The following KIAA1217 variants were observed in gnomAD, a reference collection of about 807,000 sequenced individuals.
KIAA1217 encodes the protein sickle tail protein homolog.
A neutral mutation model predicts 163.9 loss-of-function variants in KIAA1217; 88 were observed. The ratio of observed to expected loss-of-function variants is 0.54; its 90% CI spans 0.45 to 0.64. The LOEUF is 0.64. Among genes scored for constraint, KIAA1217 ranks in the 30% least tolerant of loss-of-function variants. The pLI is 0.00. For synonymous variants in KIAA1217, 903 were observed against 923.1 expected (o/e 0.98, Z 0.39); for missense variants, 2,372 against 2,475.0 (o/e 0.96, Z 0.88).
At chr10:24,365,798 G>A (rs374429348) in intron 2 of KIAA1217, among the ~76,000 whole-genome samples, 4 of 152,000 alleles carry the variant, frequency 2.6e-5, no homozygotes, top group African/African-American at 4.8e-5. Context: ...TTTGGCTTTC[G>A]AGTGTAGCCA....
At chr10:24,177,323 A>T (rs2065956192) in intron 2 of KIAA1217, among the ~76,000 whole-genome samples, 2 of 120,340 alleles carry the variant, frequency 1.7e-5, no homozygotes, top group Admixed American at 1.7e-4. Flanking sequence ...CATATATATC[A>T]CATATATCTT....
At chr10:24,455,715 G>A (rs901607212) in intron 5 of KIAA1217, among the ~76,000 whole-genome samples, 3 of 152,210 alleles carry the variant, frequency 2.0e-5, no homozygotes, top group African/African-American at 7.2e-5. Flanking sequence ...AAGGAAAAGA[G>A]AATGATCCAA....
intron 1 of KIAA1217, among the ~76,000 whole-genome samples, chr10:23,948,689 T>C (rs1319678895): frequency 6.6e-6 from 1 of 152,206 alleles, no homozygotes; most frequent in Non-Finnish European, 1.5e-5. Flanking sequence ...GTTTTTGCTT[T>C]GTTTCTGTTG....
At chr10:24,223,834 A>G (rs1245894501) in intron 2 of KIAA1217, among the ~76,000 whole-genome samples, 3 of 132,442 alleles carry the variant, frequency 2.3e-5, no homozygotes, top group African/African-American at 8.6e-5. Flanking sequence ...CCACCCCAGC[A>G]CCCACCACCC....
intron 2 of KIAA1217, among the ~76,000 whole-genome samples, chr10:24,179,990 A>T (rs187400627): frequency 2.1e-3 from 322 of 152,302 alleles, no homozygotes; most frequent in African/African-American, 7.3e-3. Context: ...GAAGATGTGG[A>T]TTATTTAATC....
intron 5 of KIAA1217, among the ~76,000 whole-genome samples, chr10:24,459,584 G>C (rs945334556): frequency 6.6e-6 from 1 of 152,046 alleles, no homozygotes; most frequent in African/African-American, 2.4e-5. Flanking sequence ...TCATTGGAAT[G>C]GGCCTTAGAG....
intron 10 of KIAA1217, among the ~76,000 whole-genome samples, chr10:24,519,599 G>C (rs1423947724): frequency 6.6e-6 from 1 of 152,116 alleles, no homozygotes; most frequent in Non-Finnish European, 1.5e-5. Flanking sequence ...GTAGATGAAG[G>C]CCAGGGGCGC....
intron 1 of KIAA1217, among the ~76,000 whole-genome samples, chr10:24,212,487 A>G (rs549644743): frequency 6.6e-6 from 1 of 152,334 alleles, no homozygotes; most frequent in East Asian, 1.9e-4. Context: ...AGTCCAAAGG[A>G]TGCCCCCCGA....
intron 2 of KIAA1217, among the ~76,000 whole-genome samples, chr10:24,320,318 C>T (rs1302461101): frequency 1.3e-5 from 2 of 152,200 alleles, no homozygotes; most frequent in Non-Finnish European, 2.9e-5. Flanking sequence ...CATAGAATGG[C>T]TAATCACAAA....
chr10:24,328,338 T>A (rs2045217788), intron 2 of KIAA1217, among the ~76,000 whole-genome samples: 1 of 152,078 alleles, frequency 6.6e-6, no homozygotes, highest in Admixed American at 6.6e-5. Context: ...TGAGGCATCA[T>A]CATGGGTGAG....
intron 10 of KIAA1217, among the ~76,000 whole-genome samples, chr10:24,516,406 G>C (rs2070169526): frequency 6.6e-6 from 1 of 152,224 alleles, no homozygotes; most frequent in African/African-American, 2.4e-5. Context: ...ACAGAGATTG[G>C]AAGATTCTGT....
chr10:24,110,340 A>G (rs1030164696), intron 2 of KIAA1217, among the ~76,000 whole-genome samples: 1 of 152,132 alleles, frequency 6.6e-6, no homozygotes, highest in Non-Finnish European at 1.5e-5. Context: ...GCTCGTGGGG[A>G]GCCAAAAATA....
At position 24,027,050 on chromosome 10, in the gene KIAA1217, T is replaced by G. The variant is rs192219286; in HGVS notation, c.-171+19676T>G. On this transcript the variant is annotated intron_variant, in intron 2 of 18. Coordinates refer to the KIAA1217 transcript ENST00000376462. Reference sequence around the variant, plus strand: ...ATGTTTGTTGTTTAACTTCCAAATATTTGGGGCTTTAAAAAATATCTTTCT... The same window carrying G: ...ATGTTTGTTGTTTAACTTCCAAATAGTTGGGGCTTTAAAAAATATCTTTCT... 9.9e-5 allele frequency among the ~76,000 whole-genome samples: 15 copies of G among 152,218 alleles called. No individual in the cohort carries two copies. In the East Asian group the frequency reaches 2.9e-3, roughly 29 times the overall value.
intron 1 of KIAA1217, among the ~76,000 whole-genome samples, chr10:23,997,569 A>C (rs1214327729): frequency 6.6e-6 from 1 of 152,200 alleles, no homozygotes; most frequent in African/African-American, 2.4e-5. Flanking sequence ...CTCAGGCTGG[A>C]AGGTTTCAGG....
chr10:24,008,732 C>T (rs7081738), intron 2 of KIAA1217, among the ~76,000 whole-genome samples: 31,978 of 152,006 alleles, frequency 0.21, 4,052 homozygotes, highest in Non-Finnish European at 0.27. Flanking sequence ...GTGACTGTCT[C>T]TGCCAAACCA....
At chr10:24,516,456 G>T (rs1460636123) in intron 10 of KIAA1217, among the ~76,000 whole-genome samples, 1 of 152,222 alleles carries the variant, frequency 6.6e-6, no homozygotes, top group Non-Finnish European at 1.5e-5. Flanking sequence ...GAAAGTTCCG[G>T]GGTTCAACCC....
intron 10 of KIAA1217, among the ~76,000 whole-genome samples, chr10:24,517,584 GTTC>G (rs1447954073): frequency 6.6e-6 from 1 of 151,986 alleles, no homozygotes; most frequent in Non-Finnish European, 1.5e-5. Context: ...TCTCCTTTTT[GTTC>G]TTCTCCTTCT....
At chr10:24,309,486 T>G (rs11014020) in intron 2 of KIAA1217, among the ~76,000 whole-genome samples, 60,420 of 152,084 alleles carry the variant, frequency 0.4, 15,443 homozygotes, top group African/African-American at 0.74. Flanking sequence ...AGTGAACCCC[T>G]TTAACCTTTC....
chr10:24,066,729 G>A (rs1357669850), intron 2 of KIAA1217, among the ~76,000 whole-genome samples: 1 of 152,174 alleles, frequency 6.6e-6, no homozygotes, highest in Non-Finnish European at 1.5e-5. Context: ...ATAATATCCT[G>A]CAGAGTGTTT....
Sources: gnomAD v4.1 joint callset for allele counts (sites outside exome capture counted in the v4.1 genomes callset) on GRCh38, gnomAD v4.1.1 for gene constraint, MANE v1.5 for transcripts, NCBI Gene and HGNC (gene_info 2026-07-23, HGNC 2026-07-21) for gene names.